Variants in NAA15 observed in about 807,000 individuals in gnomAD.
NAA15 encodes the protein N-alpha-acetyltransferase 15, NatA auxiliary subunit.
In NAA15, 34 loss-of-function variants were observed where a neutral mutation model predicts 114.0. The ratio of observed to expected loss-of-function variants is 0.30; its 90% CI spans 0.23 to 0.40. NAA15 has a LOEUF of 0.40. Ranked by LOEUF, NAA15 falls within the 10% of genes least tolerant of loss-of-function variation. The pLI, the probability that NAA15 is intolerant of heterozygous loss-of-function variation, is 1.00. For missense variants in NAA15, 658 were observed against 1,004.5 expected, an observed-to-expected ratio of 0.66 and a Z score of 4.66; for synonymous variants, 340 against 338.0, an observed-to-expected ratio of 1.01 and a Z score of -0.06.
intron 1 of NAA15, among the ~76,000 whole-genome samples, chr4:139,328,494 C>T (rs529712205): frequency 1.3e-5 from 2 of 152,252 alleles, no homozygotes; most frequent in Admixed American, 6.5e-5. Flanking sequence ...AGGCGTGAGC[C>T]ACCACACCTG....
At chr4:139,349,660 C>T in intron 7 of NAA15, 79 bp downstream of exon 7, 1 of 1,371,234 alleles carries the variant, frequency 7.3e-7, no homozygotes, top group Non-Finnish European at 9.9e-7. Flanking sequence ...AAAAGCACAA[C>T]TAGAATAATA....
chr4:139,302,512 G>A (rs1745832087), intron 1 of NAA15: 1 of 152,178 alleles, frequency 6.6e-6, no homozygotes, highest in Non-Finnish European at 1.5e-5. Context: ...CTTAGTTTCC[G>A]AGCGGGAAAC....
intron 2 of NAA15, 45 bp from the exon 3 acceptor site, chr4:139,336,799 ATATT>A (rs1167943277): frequency 9.2e-7 from 1 of 1,085,622 alleles, no homozygotes. Context: ...TTTATTTTTA[ATATT>A]TATTTTTTTA....
chr4:139,338,290 A>G (rs1747264864), intron 3 of NAA15, among the ~76,000 whole-genome samples: 1 of 152,196 alleles, frequency 6.6e-6, no homozygotes, highest in Non-Finnish European at 1.5e-5. Flanking sequence ...GGCTGAGAGG[A>G]TTTGATCCAG....
chr4:139,328,295 C>G (rs1489175300), intron 1 of NAA15, among the ~76,000 whole-genome samples: 1 of 152,246 alleles, frequency 6.6e-6, no homozygotes, highest in Non-Finnish European at 1.5e-5. Flanking sequence ...CAATCTCCAC[C>G]TCCCAGGTTC....
At chr4:139,378,527 T>C (rs1748653698) in intron 16 of NAA15, among the ~76,000 whole-genome samples, 1 of 152,248 alleles carries the variant, frequency 6.6e-6, no homozygotes, top group African/African-American at 2.4e-5. Flanking sequence ...TAAATATTGC[T>C]AAATGCCACC....
chr4:139,360,284 G>A (rs1486617617), intron 12 of NAA15, among the ~76,000 whole-genome samples: 1 of 152,038 alleles, frequency 6.6e-6, no homozygotes, highest in African/African-American at 2.4e-5. Context: ...CACAGTGTGT[G>A]TTCAAAAGTT....
chr4:139,332,579 T>TTC (rs1747054747), intron 1 of NAA15, among the ~76,000 whole-genome samples: 1 of 116,560 alleles, frequency 8.6e-6, no homozygotes, highest in African/African-American at 3.6e-5. Flanking sequence ...TATGTTTTTT[T>TTC]TTTTTTTTTT....
chr4:139,364,168 G>A (rs1475231676), intron 14 of NAA15, among the ~76,000 whole-genome samples: 1 of 152,180 alleles, frequency 6.6e-6, no homozygotes, highest in Non-Finnish European at 1.5e-5. Flanking sequence ...AAGCCACAAT[G>A]TTTGACCAAT....
At chr4:139,338,593 G>A (rs550627061) in intron 3 of NAA15, among the ~76,000 whole-genome samples, 1 of 152,222 alleles carries the variant, frequency 6.6e-6, no homozygotes, top group South Asian at 2.1e-4. Context: ...CATTACAGGT[G>A]CACAGCACCA....
intron 1 of NAA15, among the ~76,000 whole-genome samples, chr4:139,303,468 A>G (rs1334177250): frequency 2.0e-5 from 3 of 152,172 alleles, no homozygotes; most frequent in Non-Finnish European, 2.9e-5. Flanking sequence ...GTATATGTAT[A>G]TATACATTTG....
At chr4:139,315,001 T>TTCAGTTCAGTTCAGGTTAGGTTAGG (rs1181192026) in intron 1 of NAA15, among the ~76,000 whole-genome samples, 1 of 74,356 alleles carries the variant, frequency 1.3e-5, no homozygotes, top group Admixed American at 1.5e-4. Flanking sequence ...TTCAGTTCAG[T>TTCAGTTCAGTTCAGGTTAGGTTAGG]TTAGTTTAGG....
At chr4:139,326,091 T>C (rs1746792075) in intron 1 of NAA15, among the ~76,000 whole-genome samples, 1 of 152,242 alleles carries the variant, frequency 6.6e-6, no homozygotes, top group Non-Finnish European at 1.5e-5. Flanking sequence ...TTTTCTTTTT[T>C]CATTTTTTTA....
chr4:139,353,539 G>A (rs1435837553), intron 9 of NAA15, among the ~76,000 whole-genome samples: 1 of 152,158 alleles, frequency 6.6e-6, no homozygotes, highest in Non-Finnish European at 1.5e-5. Context: ...GAACCTGGAT[G>A]GCCACTCATT....
intron 1 of NAA15, among the ~76,000 whole-genome samples, chr4:139,325,115 G>A (rs1417534162): frequency 1.5e-4 from 12 of 82,546 alleles, no homozygotes; most frequent in South Asian, 9.5e-4. Context: ...TTCAAGGGGC[G>A]GGGGGTTTAG....
chr4:139,363,033 A>G (rs998329714), intron 14 of NAA15, among the ~76,000 whole-genome samples: 6 of 152,162 alleles, frequency 3.9e-5, no homozygotes, highest in African/African-American at 1.4e-4. Flanking sequence ...CAGTTTAGAA[A>G]TTTCTAAGGT....
Position 139,388,020 on chromosome 4 carries a change from A to T in NAA15, c.2537A>T (p.Asp846Val), listed in dbSNP as rs774816531. 4.2e-5 allele frequency: 68 copies of T among 1,613,854 alleles called. No individual in the cohort carries two copies. The highest frequency in any genetic ancestry group is 5.5e-5 in the Non-Finnish European group (65 of 1,179,930). Residue 846 changes from aspartate to valine, a missense_variant, in exon 20 of 20, where the codon GAT (aspartate) becomes GTT (valine). Around this residue, in one of 6 missense-constraint regions of NAA15, gnomAD observed 275 missense variants for 371.1 expected, o/e 0.74. Coordinates refer to ENST00000296543, the MANE Select transcript of NAA15 (RefSeq NM_057175.5). ...LAFMPPGYEE[D>V]MKITVNGDSS... ...TTCATGCCTCCTGGATATGAAGAGG[A>T]TATGAAGATCACAGTTAATGGAGAT...
chr4:139,337,648 T>C (rs983658474), intron 3 of NAA15, among the ~76,000 whole-genome samples: 2 of 152,226 alleles, frequency 1.3e-5, no homozygotes, highest in African/African-American at 2.4e-5. Context: ...ATTTTTAAGA[T>C]AGACTTTAGC....
intron 1 of NAA15, among the ~76,000 whole-genome samples, chr4:139,323,176 C>T (rs1480469182): frequency 6.6e-6 from 1 of 151,594 alleles, no homozygotes; most frequent in Non-Finnish European, 1.5e-5. Context: ...CCTGCCTCAG[C>T]CTCCTGAGGA....
Sources: allele counts gnomAD v4.1 joint callset (sites outside exome capture counted in the v4.1 genomes callset), GRCh38; gene constraint gnomAD v4.1.1; regional missense constraint gnomAD v4.1.1; transcripts MANE v1.5; gene names NCBI Gene and HGNC (gene_info 2026-07-23, HGNC 2026-07-21).